RTN4: variants seen among roughly 807,000 people sequenced by gnomAD.
The protein encoded by RTN4 is reticulon 4, also known as reticulon-4.
In RTN4, 32 loss-of-function variants were observed where a neutral mutation model predicts 90.4. The ratio of observed to expected loss-of-function variants is 0.35; its 90% CI spans 0.27 to 0.48. The LOEUF (loss-of-function observed/expected upper bound fraction) is 0.48. Among genes scored for constraint, RTN4 ranks in the 20% least tolerant of loss-of-function variants. RTN4 has a pLI of 0.99. For missense variants in RTN4, 1,706 were observed against 1,430.2 expected (o/e 1.19, Z -3.11); for synonymous variants, 629 against 552.5 (o/e 1.14, Z -1.94).
chr2:55,099,162 G>T (rs934267728), intron 1 of RTN4, among the ~76,000 whole-genome samples: 1 of 152,028 alleles, frequency 6.6e-6, no homozygotes, highest in Non-Finnish European at 1.5e-5. Context: ...GCACTATTTA[G>T]TTACTGGGGC....
intron 1 of RTN4, among the ~76,000 whole-genome samples, chr2:55,106,133 G>A (rs1313171980): frequency 6.6e-6 from 1 of 151,896 alleles, no homozygotes; most frequent in Non-Finnish European, 1.5e-5. Context: ...TTGAGATTTG[G>A]TATTCGGTTT....
chr2:55,065,045 T>A (rs558939920), intron 2 of RTN4, among the ~76,000 whole-genome samples: 2 of 152,204 alleles, frequency 1.3e-5, no homozygotes, highest in Non-Finnish European at 2.9e-5. Context: ...CTGGAAAGAA[T>A]GCAAGCAAAA....
chr2:55,073,829 G>A (rs191095638), intron 2 of RTN4, among the ~76,000 whole-genome samples: 33 of 152,302 alleles, frequency 2.2e-4, no homozygotes, highest in African/African-American at 7.7e-4. Flanking sequence ...GCAAAGAGAC[G>A]TATAAACTTA....
rs529923799 is a variant in RTN4, at chr2:55,026,653, C to G, written c.1446G>C (p.Leu482Phe). ...TATTTTCTGAAGTAGGATCTCCTAA[C>G]AAAGGAAAAATGTTTGTTGCAATGC... is the stretch of plus-strand genomic sequence containing the variant. ...TESIATNIFP[L>F]LGDPTSENKT... The change falls in exon 3 of 9, where the codon TTG (leucine) becomes TTC (phenylalanine). Residue 482 changes from leucine (L) to phenylalanine (F), a missense_variant. Physicochemically the swap from Leu to Phe is conservative, Grantham distance 22. Coordinates refer to ENST00000337526, the MANE Select transcript of RTN4 (RefSeq NM_020532.5). 2 of 1,612,970 alleles carry G rather than the reference C, an allele frequency of 1.2e-6. No individual in the cohort carries two copies. The highest frequency in any genetic ancestry group is 1.1e-5 in the South Asian group (1 of 91,080).
the RTN4 span, among the ~76,000 whole-genome samples, chr2:55,133,936 C>G: frequency 6.6e-6 from 1 of 152,170 alleles, no homozygotes; most frequent in Non-Finnish European, 1.5e-5. Flanking sequence ...ACAGGCAAAG[C>G]AACCCCAAAG....
chr2:55,059,966 C>T (rs1193060946), intron 2 of RTN4, among the ~76,000 whole-genome samples: 1 of 152,084 alleles, frequency 6.6e-6, no homozygotes. Context: ...GGGTGAGCCA[C>T]CCTGCCCCCA....
intron 1 of RTN4, among the ~76,000 whole-genome samples, chr2:55,093,340 A>C (rs2968807): frequency 0.98 from 148,367 of 151,084 alleles, 72,885 homozygotes; most frequent in Admixed American, 1. Context: ...TTTATTTACA[A>C]ACACATAAAC....
intron 5 of RTN4, among the ~76,000 whole-genome samples, chr2:54,981,776 G>C (rs1678148419): frequency 8.5e-6 from 1 of 117,178 alleles, no homozygotes; most frequent in Non-Finnish European, 1.8e-5. Context: ...ATCTTATCTA[G>C]AATAAGAAAG....
intron 3 of RTN4, among the ~76,000 whole-genome samples, chr2:55,014,788 T>C (rs1680910026): frequency 6.6e-6 from 1 of 152,176 alleles, no homozygotes; most frequent in Non-Finnish European, 1.5e-5. Flanking sequence ...GTGCTGGGAT[T>C]ACAGACGTGA....
chr2:54,988,352 A>T (rs891212430), intron 3 of RTN4, among the ~76,000 whole-genome samples: 2 of 152,148 alleles, frequency 1.3e-5, no homozygotes, highest in Non-Finnish European at 2.9e-5. Context: ...ATCTCATACA[A>T]TGCATGCTAT....
intron 1 of RTN4, among the ~76,000 whole-genome samples, chr2:55,101,066 T>G (rs964559572): frequency 2.0e-5 from 3 of 152,108 alleles, no homozygotes; most frequent in African/African-American, 7.2e-5. Context: ...TTTTGAAATC[T>G]TGACATAGAA....
At chr2:55,107,547 G>C (rs183700862) in intron 1 of RTN4, among the ~76,000 whole-genome samples, 3 of 151,962 alleles carry the variant, frequency 2.0e-5, no homozygotes, top group Non-Finnish European at 4.4e-5. Context: ...GGTACATCTG[G>C]GGGGGTTTTG....
At chr2:55,126,419 A>G in the RTN4 span, among the ~76,000 whole-genome samples, 1 of 152,066 alleles carries the variant, frequency 6.6e-6, no homozygotes, top group African/African-American at 2.4e-5. Flanking sequence ...AAGCATATGG[A>G]AAAGAAAGCT....
In RTN4 at chr2:54,981,620, T is replaced by C. The variant is rs906989536; in HGVS notation, c.3360+895A>G. The stretch of plus-strand genomic sequence containing the variant: ...CTTAAATTACACAACTGTGGTTTAG[T>C]GCCTGTTTCGTCAGTCAGAACTTTG... On this transcript the variant is annotated intron_variant, in intron 5 of 8. Transcript: ENST00000337526. Among the ~76,000 whole-genome samples the C allele has an allele frequency of 2.8e-4, 43 of 152,226 alleles. 1 individual carries two copies. The highest frequency in any genetic ancestry group is 8.8e-5 in the Non-Finnish European group (6 of 68,044).
chr2:55,123,152 T>G, the RTN4 span, among the ~76,000 whole-genome samples: 1 of 152,204 alleles, frequency 6.6e-6, no homozygotes, highest in Non-Finnish European at 1.5e-5. Flanking sequence ...AAAAATTAAT[T>G]TATATAATGG....
Position 55,096,097 on chromosome 2 carries a change from C to T in RTN4, c.-213-15458G>A, listed in dbSNP as rs182289396. On this transcript the variant is annotated intron_variant, in intron 1 of 3. Transcript: ENST00000427710. ...TTCCTAGCACTTTGGGAGGCCGAGGCGGGTGGATTACCTGAGGACGGGAGT... is the reference window on the plus strand; with the variant it reads ...TTCCTAGCACTTTGGGAGGCCGAGGTGGGTGGATTACCTGAGGACGGGAGT... Among the ~76,000 whole-genome samples, 26 of 152,232 alleles carry T rather than the reference C, an allele frequency of 1.7e-4. No individual in the cohort carries two copies. In the East Asian group the frequency reaches 4.1e-3, roughly 24 times the overall value.
chr2:55,010,688 A>G (rs1680568897), intron 3 of RTN4, among the ~76,000 whole-genome samples: 1 of 152,240 alleles, frequency 6.6e-6, no homozygotes, highest in African/African-American at 2.4e-5. Context: ...ATTGCTCCTA[A>G]GTTCATTAAG....
chr2:55,064,086 G>A (rs765499130), intron 2 of RTN4, among the ~76,000 whole-genome samples: 28 of 151,820 alleles, frequency 1.8e-4, no homozygotes, highest in Non-Finnish European at 4.0e-4. Flanking sequence ...GCCAGGTGTA[G>A]TGGTGTGTAC....
intron 2 of RTN4, among the ~76,000 whole-genome samples, chr2:55,066,169 TTGTGTGTGTGTGTGTGTGTGTGTTTG>T (rs1427751050): frequency 1.4e-5 from 2 of 142,278 alleles, no homozygotes; most frequent in East Asian, 4.1e-4. Flanking sequence ...ATGAACCCAT[TTGTGTGTGTGTGTGTGTGTGTGTTTG>T]TGTGTGTGTG....
Sources: gnomAD v4.1 joint callset for allele counts (sites outside exome capture counted in the v4.1 genomes callset) on GRCh38, gnomAD v4.1.1 for gene constraint, MANE v1.5 for transcripts, NCBI Gene and HGNC (gene_info 2026-07-23, HGNC 2026-07-21) for gene names.